PIK3R5: variants seen among roughly 807,000 people sequenced by gnomAD.
PIK3R5 encodes phosphoinositide 3-kinase regulatory subunit 5.
Under a neutral mutation model 94.9 loss-of-function variants are expected in PIK3R5, and 32 were observed. The ratio of observed to expected loss-of-function variants is 0.34; its 90% confidence interval spans 0.25 to 0.45. The LOEUF (loss-of-function observed/expected upper bound fraction) is 0.45. Among genes scored for constraint, PIK3R5 ranks in the 20% least tolerant of loss-of-function variants. The pLI, the probability that PIK3R5 is intolerant of heterozygous loss-of-function variation, is 1.00. For missense variants in PIK3R5, 853 were observed against 1,144.6 expected, an observed-to-expected ratio of 0.75 and a Z score of 3.68; for synonymous variants, 443 against 479.4, an observed-to-expected ratio of 0.92 and a Z score of 0.99.
chr17:8,929,749 A>T (rs2090954624), intron 1 of PIK3R5, among the ~76,000 whole-genome samples: 2 of 152,104 alleles, frequency 1.3e-5, no homozygotes, highest in African/African-American at 4.8e-5. Context: ...TTTAAGTGGG[A>T]GCTAGGCTAT....
At chr17:8,937,717 GT>G (rs1200335957) in intron 1 of PIK3R5, among the ~76,000 whole-genome samples, 2 of 152,150 alleles carry the variant, frequency 1.3e-5, no homozygotes, top group African/African-American at 4.8e-5. Context: ...TTTTTGTCCG[GT>G]TTTGGTATTA....
At chr17:8,949,918 AT>A (rs568774775) in intron 1 of PIK3R5, among the ~76,000 whole-genome samples, 20 of 152,276 alleles carry the variant, frequency 1.3e-4, no homozygotes, top group Middle Eastern at 3.4e-3. Context: ...TTTAAAAACA[AT>A]TTTTTTAAGT....
rs149378328 is a variant in PIK3R5, at chr17:8,920,285, T to C, written c.-13-8778A>G. Among the ~76,000 whole-genome samples the C allele has an allele frequency of 4.6e-3, 708 of 152,332 alleles. 6 individuals are homozygous for C. The highest frequency in any genetic ancestry group is 0.016 in the African/African-American group (674 of 41,562). Reference sequence around the variant, plus strand: ...CCTCCTGCATGATTCTGACGCACAGTTAGACTTGGAAAGTCATGCTTTTTA... The same window carrying C: ...CCTCCTGCATGATTCTGACGCACAGCTAGACTTGGAAAGTCATGCTTTTTA... On this transcript the variant is annotated intron_variant, in intron 1 of 18. Coordinates refer to ENST00000447110, the MANE Select transcript of PIK3R5 (RefSeq NM_001142633.3).
At chr17:8,927,209 C>A (rs972493092) in intron 1 of PIK3R5, among the ~76,000 whole-genome samples, 2 of 152,316 alleles carry the variant, frequency 1.3e-5, no homozygotes, top group South Asian at 4.1e-4. Context: ...CTCTCTCTAG[C>A]CAAAGCCTGA....
At chr17:8,936,135 G>T (rs1425949638) in intron 1 of PIK3R5, among the ~76,000 whole-genome samples, 5 of 151,518 alleles carry the variant, frequency 3.3e-5, no homozygotes, top group Non-Finnish European at 1.5e-5. Context: ...TAGGTTTATA[G>T]AAATATTAAA....
chr17:8,952,238 C>T (rs758565597), intron 1 of PIK3R5, among the ~76,000 whole-genome samples: 3 of 152,226 alleles, frequency 2.0e-5, no homozygotes, highest in Non-Finnish European at 4.4e-5. Flanking sequence ...TTTTGGGTCT[C>T]TCCAATCCAA....
At chr17:8,944,838 G>A (rs1162698516) in intron 1 of PIK3R5, among the ~76,000 whole-genome samples, 1 of 152,006 alleles carries the variant, frequency 6.6e-6, no homozygotes, top group African/African-American at 2.4e-5. Flanking sequence ...GTGGCACACA[G>A]GTAACTATAT....
chr17:8,917,624 G>T lies in PIK3R5; in HGVS notation c.-13-6117C>A, dbSNP rs569981981. Reference sequence around the variant, plus strand: ...CTCATGCCTGTAATCCCAGCACTTTGGGAGGCCAACGCGGGTGGATCACCT... The same window carrying T: ...CTCATGCCTGTAATCCCAGCACTTTTGGAGGCCAACGCGGGTGGATCACCT... On this transcript the variant is annotated intron_variant, in intron 1 of 18. Transcript: ENST00000447110. 2.6e-5 allele frequency among the ~76,000 whole-genome samples: 4 copies of T among 152,346 alleles called. No individual in the cohort carries two copies. In the South Asian group the frequency reaches 8.3e-4, roughly 32 times the overall value.
intron 1 of PIK3R5, among the ~76,000 whole-genome samples, chr17:8,942,675 T>A (rs9911038): frequency 6.6e-6 from 1 of 150,746 alleles, no homozygotes; most frequent in Non-Finnish European, 1.5e-5. Context: ...GTGCGATCTC[T>A]GCTCACTGCA....
intron 3 of PIK3R5, among the ~76,000 whole-genome samples, chr17:8,907,212 T>C (rs979481945): frequency 5.9e-5 from 9 of 151,472 alleles, no homozygotes; most frequent in Non-Finnish European, 1.3e-4. Context: ...TTTTTTTTTT[T>C]AGTAGAGATG....
chr17:8,944,706 A>G (rs1299503210), intron 1 of PIK3R5, among the ~76,000 whole-genome samples: 1 of 152,170 alleles, frequency 6.6e-6, no homozygotes, highest in African/African-American at 2.4e-5. Flanking sequence ...GCACCTGGCT[A>G]GGGCAGGAAC....
chr17:8,880,445 C>T lies in PIK3R5; in HGVS notation c.*194G>A, dbSNP rs2089625542. 3.8e-6 allele frequency: 2 copies of T among 532,238 alleles called. No homozygotes were observed. The highest frequency in any genetic ancestry group is 6.5e-6 in the Non-Finnish European group (2 of 306,810). The allele number at this position is 532,238 out of a possible 1,614,324, so 33.0% of individuals were successfully genotyped here. On this transcript the variant is annotated 3_prime_UTR_variant, in exon 19 of 19. Transcript: ENST00000447110. ...GCTATGGGGTCTGGCCCTTCTCTCT[C>T]TGATAGCTGTTGCTTTCCCAGAACC...
chr17:8,934,731 C>A (rs117180642), intron 1 of PIK3R5, among the ~76,000 whole-genome samples: 2 of 152,136 alleles, frequency 1.3e-5, no homozygotes, highest in African/African-American at 4.8e-5. Context: ...CACAATAAGT[C>A]GTATCATGGG....
chr17:8,952,348 A>G (rs2091390554), intron 1 of PIK3R5, among the ~76,000 whole-genome samples: 1 of 152,272 alleles, frequency 6.6e-6, no homozygotes, highest in Admixed American at 6.5e-5. Flanking sequence ...ATTTAGTTAC[A>G]GCTGGTGGAT....
chr17:8,889,218 A>G lies in PIK3R5; in HGVS notation c.816T>C (p.Thr272=), dbSNP rs1194059103. 2.5e-6 allele frequency: 4 copies of G among 1,613,172 alleles called. No individual in the cohort carries two copies. The highest frequency in any genetic ancestry group is 3.4e-6 in the Non-Finnish European group (4 of 1,179,332). ...EKAGFPGVLD[T]AKPGKLHTIP... is the part of the protein sequence containing the mutation. ...TGGTGTGGAGCTTCCCTGGTTTTGC[A>G]GTGTCTGTAAGAACAGGGAGGATAG... Residue 272 remains threonine (T), a synonymous_variant, in exon 9 of 19, where the codon ACT becomes ACC. Transcript: ENST00000447110. This position sits in a 1 kb window ranked among gnomAD's most constrained non-coding sequence, Gnocchi z 4.1.
At chr17:8,885,248 G>T (rs934311085) in intron 14 of PIK3R5, among the ~76,000 whole-genome samples, 1 of 149,430 alleles carries the variant, frequency 6.7e-6, no homozygotes, top group Non-Finnish European at 1.5e-5. Flanking sequence ...CTGCCTCCCG[G>T]TAACCGTGCC....
rs768707626 is a variant in PIK3R5 at position 8,881,954 on chromosome 17, A to G, written c.2206-73T>C. On this transcript the variant is annotated intron_variant, in intron 15 of 18. Coordinates refer to ENST00000447110, the MANE Select transcript of PIK3R5 (RefSeq NM_001142633.3). This position sits in a 1 kb window ranked among gnomAD's most constrained non-coding sequence, Gnocchi z 4.8. Reference sequence around the variant, plus strand: ...CCTGCTGCCTTCTCTTTGAAGGCCCATCAGTGACAGGGGGTTGCCTCTAGT... The same window carrying G: ...CCTGCTGCCTTCTCTTTGAAGGCCCGTCAGTGACAGGGGGTTGCCTCTAGT... 11 of 1,168,098 alleles carry G rather than the reference A, an allele frequency of 9.4e-6. No homozygotes were observed. The highest frequency in any genetic ancestry group is 1.1e-5 in the Non-Finnish European group (9 of 792,716). 72.4% of individuals were successfully genotyped at this position (1,168,098 alleles called of 1,614,324 possible).
At chr17:8,903,799 C>CT (rs756320530) in intron 5 of PIK3R5, among the ~76,000 whole-genome samples, 1 of 152,082 alleles carries the variant, frequency 6.6e-6, no homozygotes, top group Non-Finnish European at 1.5e-5. Context: ...TTTTCTAGTT[C>CT]TGACAATTCT....
At chr17:8,940,850 T>C (rs907133551) in intron 1 of PIK3R5, among the ~76,000 whole-genome samples, 3 of 152,192 alleles carry the variant, frequency 2.0e-5, no homozygotes, top group Admixed American at 6.5e-5. Flanking sequence ...TGCGAGCCAC[T>C]GTGCCTGGCC....
Sources: allele counts gnomAD v4.1 joint callset (sites outside exome capture counted in the v4.1 genomes callset), GRCh38; gene constraint gnomAD v4.1.1; non-coding constraint Gnocchi (gnomAD v3.1); transcripts MANE v1.5; gene names NCBI Gene and HGNC (gene_info 2026-07-23, HGNC 2026-07-21).